DOCK11: variants seen among roughly 807,000 people sequenced by gnomAD.
The protein encoded by DOCK11 is dedicator of cytokinesis protein 11.
In DOCK11, 70 loss-of-function variants were observed where a neutral mutation model predicts 169.1. The ratio of observed to expected loss-of-function variants is 0.41; its 90% CI spans 0.34 to 0.51. DOCK11 has a LOEUF of 0.51. DOCK11 is among the 20% of genes least tolerant of loss of function. DOCK11 has a pLI of 0.10. For synonymous variants in DOCK11, 529 were observed against 541.3 expected (o/e 0.98, Z 0.32); for missense variants, 1,166 against 1,538.8 (o/e 0.76, Z 4.05).
chrX:118,567,347 T>G (rs1490215296), intron 9 of DOCK11, among the ~76,000 whole-genome samples: 1 of 111,351 alleles, frequency 9.0e-6, no homozygotes, highest in African/African-American at 3.3e-5. Context: ...AGCTCCTTTT[T>G]TTTTTCTATT....
chrX:118,633,530 G>A lies in DOCK11; in HGVS notation c.3887-2816G>A, dbSNP rs753962154. On this transcript the variant is annotated intron_variant, in intron 35 of 52. Coordinates refer to ENST00000276202, the MANE Select transcript of DOCK11 (RefSeq NM_144658.4). ...CCTCTTTTGAGGACTAAGTGAAGTT[G>A]TTAAAAGAGAACTTGCCAGTGGCTT... The A allele has an allele frequency of 6.2e-5, 7 of 112,398 alleles. No homozygotes were observed. The East Asian group carries it at 1.1e-3, about 18-fold the overall frequency. The allele number at this position is 112,398 out of a possible 1,213,427, so 9.3% of individuals were successfully genotyped here. A position where few individuals can be genotyped will look rare whatever the true frequency, so the allele number is the denominator to read the frequency against.
At chrX:118,528,122 C>T (rs1252159320) in intron 1 of DOCK11, among the ~76,000 whole-genome samples, 1 of 112,326 alleles carries the variant, frequency 8.9e-6, no homozygotes, top group Non-Finnish European at 1.9e-5. Context: ...TTTCCATTCA[C>T]GAAGCCTCAA....
rs745760499 is a variant in DOCK11 at position 118,628,156 on chromosome X, T to TC, written c.3665-3dup. ...CCAACAAGGGCTTGACTTTTTTTTT[T>TC]CCCCAGCTTATGGGTCTTTTCAAAA... is the stretch of plus-strand genomic sequence containing the variant. On this transcript the variant is annotated splice_region_variant and splice_polypyrimidine_tract_variant and intron_variant, in intron 33 of 52. Transcript: ENST00000276202. 2.7e-5 allele frequency: 31 copies of TC among 1,158,415 alleles called. No individual in the cohort carries two copies. The East Asian group carries it at 9.3e-4, about 35-fold the overall frequency.
At chrX:118,629,816 ATTTTTT>A (rs67646403) in intron 34 of DOCK11, among the ~76,000 whole-genome samples, 10 of 75,418 alleles carry the variant, frequency 1.3e-4, no homozygotes, top group East Asian at 8.7e-4. Flanking sequence ...ACCCAGCTAA[ATTTTTT>A]TTTTTTTTTT....
At chrX:118,544,753 C>T (rs1460984139) in intron 4 of DOCK11, among the ~76,000 whole-genome samples, 21 of 99,982 alleles carry the variant, frequency 2.1e-4, no homozygotes, top group African/African-American at 7.4e-4. Flanking sequence ...CTCTGCCTCC[C>T]GGGTTCAGGT....
intron 44 of DOCK11, among the ~76,000 whole-genome samples, chrX:118,655,375 A>G (rs1338275814): frequency 9.0e-6 from 1 of 111,586 alleles, no homozygotes; most frequent in Non-Finnish European, 1.9e-5. Flanking sequence ...TTTATTTTCC[A>G]AGACTGTCCC....
At chrX:118,554,704 C>G (rs746547775) in intron 6 of DOCK11, among the ~76,000 whole-genome samples, 2 of 111,326 alleles carry the variant, frequency 1.8e-5, no homozygotes, top group South Asian at 7.4e-4. Context: ...GGCGGGGCCT[C>G]GAAGGAAGTG....
At chrX:118,535,722 G>A (rs2011730997) in intron 1 of DOCK11, among the ~76,000 whole-genome samples, 1 of 111,725 alleles carries the variant, frequency 9.0e-6, no homozygotes, top group African/African-American at 3.3e-5. Context: ...AAAGGTCAGT[G>A]TCCTGAATGC....
chrX:118,588,029 T>A lies in DOCK11; in HGVS notation c.1796-108T>A, dbSNP rs754604804. ...GGTCAATTACTAAGAATTATGTTTT[T>A]TAAATCGCTCTTTGAGAATGCAATT... On this transcript the variant is annotated intron_variant, in intron 16 of 52. Transcript: ENST00000276202. 4.0e-6 allele frequency: 3 copies of A among 758,973 alleles called. No homozygotes were observed. The African/African-American group carries it at 6.4e-5, about 16-fold the overall frequency. 62.5% of individuals were successfully genotyped at this position (758,973 alleles called of 1,213,427 possible). A position where few individuals can be genotyped will look rare whatever the true frequency, so the allele number is the denominator to read the frequency against.
chrX:118,540,373 C>T (rs1169732205), intron 1 of DOCK11, among the ~76,000 whole-genome samples: 1 of 111,422 alleles, frequency 9.0e-6, no homozygotes, highest in African/African-American at 3.3e-5. Flanking sequence ...AAGATGCAGT[C>T]AGTTTCCTTT....
At chrX:118,598,882 T>C (rs775057452) in intron 22 of DOCK11, among the ~76,000 whole-genome samples, 19 of 112,250 alleles carry the variant, frequency 1.7e-4, no homozygotes, top group African/African-American at 6.1e-4. Flanking sequence ...CCCAACTTCA[T>C]AGAACACACT....
Position 118,671,167 on chromosome X carries a change from A to G in DOCK11, c.5199+22A>G, listed in dbSNP as rs766488437. 6.7e-6 allele frequency: 8 copies of G among 1,190,530 alleles called. No individual in the cohort carries two copies. In the South Asian group the frequency reaches 1.5e-4, roughly 22 times the overall value. ...TGAGGTAGGCAATTTGAACATTTTT[A>G]TCATTGACTTATGTATTTTATTTTG... On this transcript the variant is annotated intron_variant, in intron 46 of 52. Coordinates refer to ENST00000276202, the MANE Select transcript of DOCK11 (RefSeq NM_144658.4).
chrX:118,561,608 C>A, intron 7 of DOCK11, 91 bp downstream of exon 7: 3 of 929,475 alleles, frequency 3.2e-6, no homozygotes, highest in Non-Finnish European at 4.3e-6. Context: ...GTGGCTTATG[C>A]CTGTAATCCC....
Position 118,588,127 on chromosome X carries a change from C to A in DOCK11, c.1796-10C>A. The A allele has an allele frequency of 8.8e-7, 1 of 1,131,323 alleles. No homozygotes were observed. Among genetic ancestry groups the A allele is most frequent in the Non-Finnish European group, 1.2e-6 (1 of 858,092 alleles). 93.2% of individuals were successfully genotyped at this position (1,131,323 alleles called of 1,213,427 possible). A position where few individuals can be genotyped will look rare whatever the true frequency, so the allele number is the denominator to read the frequency against. ...TGAATGATCTTTGCCTGTTTTTTTC[C>A]CTGCTATAGATTGTATTACTTCTTC... On this transcript the variant is annotated splice_polypyrimidine_tract_variant and intron_variant, in intron 16 of 52. Coordinates refer to ENST00000276202, the MANE Select transcript of DOCK11 (RefSeq NM_144658.4).
intron 35 of DOCK11, chrX:118,632,969 T>TGGGGGGGGGGGGGGGGGGGGGGGGG (rs766019635): frequency 2.8e-5 from 1 of 35,830 alleles, no homozygotes; most frequent in Non-Finnish European, 4.5e-5. Flanking sequence ...TGGGGGGCGG[T>TGGGGGGGGGGGGGGGGGGGGGGGGG]GGGGGGGGGG....
intron 48 of DOCK11, among the ~76,000 whole-genome samples, chrX:118,680,013 G>A (rs1199490476): frequency 3.4e-5 from 3 of 89,198 alleles, no homozygotes; most frequent in African/African-American, 1.3e-4. Context: ...TGCAACCTCC[G>A]CCTCCCAAGC....
intron 1 of DOCK11, among the ~76,000 whole-genome samples, chrX:118,531,441 A>C (rs1204397858): frequency 2.4e-4 from 23 of 94,196 alleles, no homozygotes; most frequent in African/African-American, 4.0e-4. Context: ...AAAAAAAAAA[A>C]AAAAAAAAAA....
chrX:118,642,569 T>C (rs911782263), intron 39 of DOCK11, among the ~76,000 whole-genome samples: 1 of 111,700 alleles, frequency 9.0e-6, no homozygotes, highest in African/African-American at 3.3e-5. Flanking sequence ...ATGGGGAAAC[T>C]GGGGCCCACA....
intron 23 of DOCK11, among the ~76,000 whole-genome samples, 164 bp from the exon 24 acceptor site, chrX:118,605,074 A>C (rs1205492302): frequency 8.9e-6 from 1 of 112,413 alleles, no homozygotes. Flanking sequence ...GGTGTGGATT[A>C]AGTAATTAAC....
Sources: allele counts gnomAD v4.1 joint callset (sites outside exome capture counted in the v4.1 genomes callset), GRCh38; gene constraint gnomAD v4.1.1; transcripts MANE v1.5; gene names NCBI Gene and HGNC (gene_info 2026-07-23, HGNC 2026-07-21).